CNTLN: variants seen among roughly 807,000 people sequenced by gnomAD.
The protein encoded by CNTLN is centlein, also known as centlein, centrosomal protein.
CNTLN carries 212 observed loss-of-function variants against 180.0 expected under a neutral mutation model. That is an observed-to-expected ratio of 1.18 (90% confidence interval 1.05 to 1.32). The LOEUF is 1.32. Ranked by LOEUF, CNTLN falls within the 40% of genes most tolerant of loss-of-function variation. CNTLN has a pLI of 0.00. For missense variants in CNTLN, 2,095 were observed against 1,610.9 expected, an observed-to-expected ratio of 1.30 and a Z score of -5.14; for synonymous variants, 722 against 563.1, an observed-to-expected ratio of 1.28 and a Z score of -3.99.
At chr9:17,171,110 G>A (rs550348338) in intron 2 of CNTLN, among the ~76,000 whole-genome samples, 2 of 152,286 alleles carry the variant, frequency 1.3e-5, no homozygotes, top group African/African-American at 2.4e-5. Flanking sequence ...TAAGTTACAC[G>A]TGACTGTATT....
intron 2 of CNTLN, among the ~76,000 whole-genome samples, chr9:17,210,997 G>C (rs1254082025): frequency 2.0e-5 from 3 of 152,016 alleles, no homozygotes; most frequent in African/African-American, 4.8e-5. Context: ...TTCTCCCATT[G>C]TGCAGTTTGC....
intron 16 of CNTLN, 21 bp downstream of exon 16, chr9:17,409,494 T>G (rs1307978506): frequency 5.8e-6 from 9 of 1,546,456 alleles, no homozygotes; most frequent in Non-Finnish European, 7.9e-6. Context: ...TGATTTTGCT[T>G]AATTGTATGC....
intron 2 of CNTLN, among the ~76,000 whole-genome samples, chr9:17,157,888 C>T (rs961319565): frequency 6.6e-6 from 1 of 152,098 alleles, no homozygotes; most frequent in Non-Finnish European, 1.5e-5. Flanking sequence ...GATAGTGACA[C>T]CTTTGCTTTC....
In CNTLN at chr9:17,236,570, C is replaced by T. The variant is rs372902135; in HGVS notation, c.831C>T (p.Ser277=). Residue 277 remains serine, a synonymous_variant, in exon 5 of 26, where the codon AGC becomes AGT. Transcript: ENST00000380647. ...CACATTTGAGAAAAGAAAAATATAG[C>T]ACTGATGCAAAAATAAAGGTATACA... The part of the protein sequence containing the change: ...QEAHLRKEKY[S]TDAKIKTFED... 25 of 1,607,772 alleles carry T rather than the reference C, an allele frequency of 1.6e-5. No individual in the cohort carries two copies. Among genetic ancestry groups the T allele is most frequent in the Non-Finnish European group, 2.1e-5 (25 of 1,177,956 alleles).
chr9:17,259,613 T>G (rs1826793828), intron 5 of CNTLN, among the ~76,000 whole-genome samples: 1 of 150,940 alleles, frequency 6.6e-6, no homozygotes, highest in African/African-American at 2.5e-5. Flanking sequence ...CCTGGACTCT[T>G]TTTTGTTGGT....
rs1453398995 is a variant in CNTLN, at chr9:17,382,376, C to G, written c.1988-5786C>G. Among the ~76,000 whole-genome samples, 3 of 152,168 alleles carry G rather than the reference C, an allele frequency of 2.0e-5. No homozygotes were observed. The East Asian group carries it at 5.8e-4, about 29-fold the overall frequency. ...CCAAAAAGAACATCACCAAAACAAT[C>G]AAGCCTTCGGAAATGGTCATCCTAC... On this transcript the variant is annotated intron_variant, in intron 13 of 25. Coordinates refer to ENST00000380647, the MANE Select transcript of CNTLN (RefSeq NM_017738.4).
chr9:17,351,788 G>A lies in CNTLN; in HGVS notation c.1886+9344G>A, dbSNP rs147908852. ...TTGACCTTTTAAACTATAGTTCTGAGAATGTCTCTCATCTGTTTAAAAACT... is the reference window on the plus strand; with the variant it reads ...TTGACCTTTTAAACTATAGTTCTGAAAATGTCTCTCATCTGTTTAAAAACT... On this transcript the variant is annotated intron_variant, in intron 12 of 25. Coordinates refer to ENST00000380647, the MANE Select transcript of CNTLN (RefSeq NM_017738.4). Among the ~76,000 whole-genome samples the A allele has an allele frequency of 2.2e-3, 333 of 152,208 alleles. 1 individual carries two copies. Among genetic ancestry groups the A allele is most frequent in the African/African-American group, 7.6e-3 (317 of 41,536 alleles).
chr9:17,205,492 C>G (rs1163616296), intron 2 of CNTLN, among the ~76,000 whole-genome samples: 1 of 152,080 alleles, frequency 6.6e-6, no homozygotes, highest in African/African-American at 2.4e-5. Flanking sequence ...CTCACCAGAC[C>G]ATGATGTCTT....
intron 6 of CNTLN, among the ~76,000 whole-genome samples, chr9:17,293,355 T>G (rs148444648): frequency 2.7e-4 from 41 of 152,356 alleles, no homozygotes; most frequent in African/African-American, 8.4e-4. Context: ...CCTGGATTCC[T>G]CAGAGCTGGC....
In CNTLN at chr9:17,457,720, T is replaced by C. The variant is rs1171632402; in HGVS notation, c.3306+5T>C. On this transcript the variant is annotated splice_donor_5th_base_variant and intron_variant, in intron 19 of 25. Coordinates refer to ENST00000380647, the MANE Select transcript of CNTLN (RefSeq NM_017738.4). ...CAATTGCAGTATAAACTAAAGGTGATTATAAAATTTATTAAGCATGAAAAC... is the reference window on the plus strand; with the variant it reads ...CAATTGCAGTATAAACTAAAGGTGACTATAAAATTTATTAAGCATGAAAAC... 9 of 1,413,790 alleles carry C rather than the reference T, an allele frequency of 6.4e-6. No individual in the cohort carries two copies. Among genetic ancestry groups the C allele is most frequent in the Non-Finnish European group, 8.4e-6 (9 of 1,074,958 alleles). 87.6% of individuals were successfully genotyped at this position (1,413,790 alleles called of 1,614,324 possible).
intron 12 of CNTLN, among the ~76,000 whole-genome samples, chr9:17,359,733 A>ACAAACAAAC (rs1564027271): frequency 9.1e-6 from 1 of 109,766 alleles, no homozygotes; most frequent in African/African-American, 3.3e-5. Context: ...TACAAAAAAA[A>ACAAACAAAC]AAAAAAAAAA....
At chr9:17,273,950 C>A (rs1419274280) in intron 6 of CNTLN, 84 bp downstream of exon 6, 4 of 1,007,910 alleles carry the variant, frequency 4.0e-6, no homozygotes, top group African/African-American at 3.4e-5. Flanking sequence ...ATTACTAACA[C>A]CCTAAAATAA....
chr9:17,458,824 A>T (rs887106702), intron 19 of CNTLN, among the ~76,000 whole-genome samples: 3 of 151,878 alleles, frequency 2.0e-5, no homozygotes, highest in African/African-American at 7.2e-5. Flanking sequence ...TATAATCTTA[A>T]ATAACTTATA....
chr9:17,384,334 C>G (rs16935573), intron 13 of CNTLN, among the ~76,000 whole-genome samples: 5,136 of 150,958 alleles, frequency 0.034, 277 homozygotes, highest in African/African-American at 0.12. Flanking sequence ...TACCTCTCGT[C>G]CTAGAAAAAG....
At position 17,457,567 on chromosome 9, in the gene CNTLN, A is replaced by G; in HGVS notation, c.3158A>G (p.Asp1053Gly). Residue 1053 changes from aspartate (D) to glycine (G), a missense_variant, in exon 19 of 26, where the codon GAT (aspartate) becomes GGT (glycine). Coordinates refer to ENST00000380647, the MANE Select transcript of CNTLN (RefSeq NM_017738.4). ...GCTGGGCTTCGGAAAGAAAAAGAAG[A>G]TTTACTAAAGAAATTGGAGTCCTCA... ...DLAGLRKEKE[D>G]LLKKLESSSE... is the part of the protein sequence containing the mutation. The G allele has an allele frequency of 6.5e-7, 1 of 1,533,534 alleles. No homozygotes were observed. Among genetic ancestry groups the G allele is most frequent in the Non-Finnish European group, 8.8e-7 (1 of 1,138,648 alleles). The allele number at this position is 1,533,534 out of a possible 1,614,324, so 95.0% of individuals were successfully genotyped here. A position where few individuals can be genotyped will look rare whatever the true frequency, so the allele number is the denominator to read the frequency against.
At chr9:17,147,843 T>A (rs1412062752) in intron 2 of CNTLN, among the ~76,000 whole-genome samples, 1 of 152,222 alleles carries the variant, frequency 6.6e-6, no homozygotes, top group Non-Finnish European at 1.5e-5. Flanking sequence ...CCGTGATGAA[T>A]GGCTTTTTGG....
At chr9:17,220,753 C>G (rs1233819568) in intron 2 of CNTLN, among the ~76,000 whole-genome samples, 2 of 152,146 alleles carry the variant, frequency 1.3e-5, no homozygotes, top group Non-Finnish European at 2.9e-5. Flanking sequence ...AGCTCCATCC[C>G]TGTCCCTGCA....
intron 7 of CNTLN, among the ~76,000 whole-genome samples, chr9:17,308,288 TAA>T (rs1216412370): frequency 1.3e-5 from 2 of 152,168 alleles, no homozygotes; most frequent in African/African-American, 4.8e-5. Flanking sequence ...AAGTTATTAA[TAA>T]GTCTTCAAAA....
At chr9:17,458,522 A>G (rs1831267908) in intron 19 of CNTLN, among the ~76,000 whole-genome samples, 1 of 151,944 alleles carries the variant, frequency 6.6e-6, no homozygotes, top group Non-Finnish European at 1.5e-5. Flanking sequence ...TTAGAAATGG[A>G]ATAATCATCC....
Sources: allele counts gnomAD v4.1 joint callset (sites outside exome capture counted in the v4.1 genomes callset), GRCh38; gene constraint gnomAD v4.1.1; transcripts MANE v1.5; gene names NCBI Gene and HGNC (gene_info 2026-07-23, HGNC 2026-07-21).